Variants in CLTCL1 observed in about 807,000 individuals in gnomAD.
The protein encoded by CLTCL1 is clathrin heavy chain 2.
CLTCL1 carries 159 observed loss-of-function variants against 190.0 expected under a neutral mutation model. The observed-to-expected ratio is 0.84, with a 90% CI of 0.74 to 0.95. The LOEUF (loss-of-function observed/expected upper bound fraction) is 0.95. Among genes scored for constraint, CLTCL1 ranks in the 40% least tolerant of loss-of-function variants. The probability of loss-of-function intolerance (pLI) is 0.00; values close to 1 mark genes in which losing one functional copy is unlikely to be tolerated. For missense variants in CLTCL1, 1,878 were observed against 2,033.4 expected, an observed-to-expected ratio of 0.92 and a Z score of 1.47; for synonymous variants, 752 against 769.6, an observed-to-expected ratio of 0.98 and a Z score of 0.38.
intron 5 of CLTCL1, among the ~76,000 whole-genome samples, chr22:19,237,922 G>T (rs571993234): frequency 5.1e-4 from 77 of 152,228 alleles, no homozygotes; most frequent in African/African-American, 1.7e-3. Flanking sequence ...GATATTATTA[G>T]AAATGTACAG....
intron 1 of CLTCL1, among the ~76,000 whole-genome samples, chr22:19,281,312 GA>G (rs1472010097): frequency 6.6e-5 from 9 of 135,772 alleles, no homozygotes; most frequent in African/African-American, 1.9e-4. Context: ...AAAAAAAAAA[GA>G]AAAGAGTTTT....
chr22:19,203,962 C>T (rs2084975602), intron 22 of CLTCL1, among the ~76,000 whole-genome samples: 1 of 152,256 alleles, frequency 6.6e-6, no homozygotes, highest in African/African-American at 2.4e-5. Context: ...CCTGCCGGCT[C>T]TGCCTTCAAC....
intron 2 of CLTCL1, among the ~76,000 whole-genome samples, chr22:19,258,997 G>A (rs2086856243): frequency 6.6e-6 from 1 of 152,208 alleles, no homozygotes; most frequent in Non-Finnish European, 1.5e-5. Context: ...GACAGCATCA[G>A]AGGTCACAAA....
chr22:19,266,051 TG>T (rs150775218), intron 2 of CLTCL1, among the ~76,000 whole-genome samples: 2,569 of 150,666 alleles, frequency 0.017, 68 homozygotes, highest in African/African-American at 0.06. Context: ...TTTTTGTTTT[TG>T]TTTTTTAATT....
intron 2 of CLTCL1, among the ~76,000 whole-genome samples, chr22:19,268,503 A>G (rs1555978936): frequency 6.6e-6 from 1 of 152,064 alleles, no homozygotes; most frequent in Non-Finnish European, 1.5e-5. Flanking sequence ...TAATTCAATA[A>G]TAAGATGGAC....
chr22:19,226,705 T>C (rs2085757349), intron 11 of CLTCL1, among the ~76,000 whole-genome samples: 1 of 152,214 alleles, frequency 6.6e-6, no homozygotes, highest in Non-Finnish European at 1.5e-5. Flanking sequence ...CAAGTCACTG[T>C]TGCAGCTTTT....
At chr22:19,232,713 TTATCATGTG>T in intron 9 of CLTCL1, 115 bp from the exon 10 acceptor site, 1 of 1,338,884 alleles carries the variant, frequency 7.5e-7, no homozygotes. Context: ...AGCAGCAACA[TTATCATGTG>T]TAGGTACCAC....
intron 29 of CLTCL1, chr22:19,183,867 G>T (rs930132392): frequency 7.7e-6 from 4 of 518,452 alleles, no homozygotes; most frequent in Non-Finnish European, 1.4e-5. Context: ...AGGAACTCTA[G>T]CCCCGAGGGC....
At chr22:19,224,100 G>C in intron 13 of CLTCL1, 46 bp from the exon 14 acceptor site, 1 of 1,601,170 alleles carries the variant, frequency 6.2e-7, no homozygotes, top group Non-Finnish European at 8.5e-7. Flanking sequence ...ACACCTGCCT[G>C]TCTCCTCCGT....
chr22:19,281,165 G>A (rs1455428563), intron 1 of CLTCL1, among the ~76,000 whole-genome samples: 1 of 151,606 alleles, frequency 6.6e-6, no homozygotes, highest in African/African-American at 2.4e-5. Context: ...CATGGTGGTG[G>A]GTGCCTGTAG....
intron 2 of CLTCL1, among the ~76,000 whole-genome samples, chr22:19,269,841 A>C (rs1728267801): frequency 6.6e-6 from 1 of 152,160 alleles, no homozygotes. Flanking sequence ...CAGGGCTTAA[A>C]ACCTAGAGGA....
intron 1 of CLTCL1, among the ~76,000 whole-genome samples, chr22:19,280,592 G>C (rs1298996706): frequency 6.6e-6 from 1 of 152,054 alleles, no homozygotes; most frequent in East Asian, 1.9e-4. Context: ...GCTGAGGCGG[G>C]TGGGTCGCTT....
chr22:19,264,186 C>T (rs182150503), intron 2 of CLTCL1, among the ~76,000 whole-genome samples: 116 of 151,310 alleles, frequency 7.7e-4, no homozygotes, highest in African/African-American at 2.7e-3. Context: ...ATAGTCCTAG[C>T]TACTTGGGAG....
Position 19,279,120 on chromosome 22 carries a change from C to A in CLTCL1, c.43-3290G>T, listed in dbSNP as rs1222886662. Among the ~76,000 whole-genome samples, 3 of 151,610 alleles carry A rather than the reference C, an allele frequency of 2.0e-5. No individual in the cohort carries two copies. In the East Asian group the frequency reaches 6.1e-4, roughly 31 times the overall value. On this transcript the variant is annotated intron_variant, in intron 1 of 32. Transcript: ENST00000427926. ...AATAATATAAATGCCCTAGAAGTTA[C>A]AGTATTTATGTATTTATGTATTTAT...
intron 22 of CLTCL1, 147 bp from the exon 23 acceptor site, chr22:19,201,640 T>C (rs782563665): frequency 2.3e-6 from 2 of 885,642 alleles, no homozygotes; most frequent in East Asian, 5.2e-5. Context: ...CCAGATGAAG[T>C]TGGCCTTGGC....
At chr22:19,211,611 T>TA (rs1231257532) in intron 19 of CLTCL1, among the ~76,000 whole-genome samples, 3 of 151,306 alleles carry the variant, frequency 2.0e-5, no homozygotes, top group Non-Finnish European at 4.4e-5. Context: ...ACTAAAAATA[T>TA]AAAAAATTAG....
intron 21 of CLTCL1, 82 bp downstream of exon 21, chr22:19,208,840 G>T: frequency 8.7e-7 from 1 of 1,143,306 alleles, no homozygotes; most frequent in Non-Finnish European, 1.2e-6. Context: ...GTAGAGATTT[G>T]TGAGAATCTC....
intron 3 of CLTCL1, among the ~76,000 whole-genome samples, chr22:19,252,615 T>C (rs1469206827): frequency 6.6e-6 from 1 of 152,216 alleles, no homozygotes; most frequent in Non-Finnish European, 1.5e-5. Flanking sequence ...CACTAGGCTA[T>C]AGACAAATCA....
chr22:19,270,265 A>G (rs1236579441), intron 2 of CLTCL1, among the ~76,000 whole-genome samples: 1 of 152,180 alleles, frequency 6.6e-6, no homozygotes, highest in African/African-American at 2.4e-5. Context: ...TGTCTACAAG[A>G]AAGTCTGTTG....
Sources: allele counts gnomAD v4.1 joint callset (sites outside exome capture counted in the v4.1 genomes callset), GRCh38; gene constraint gnomAD v4.1.1; transcripts MANE v1.5; gene names NCBI Gene and HGNC (gene_info 2026-07-23, HGNC 2026-07-21).